Variants in MAP4K3 observed in about 807,000 individuals in gnomAD.
MAP4K3 encodes the protein mitogen-activated protein kinase kinase kinase kinase 3.
Under a neutral mutation model 143.5 loss-of-function variants are expected in MAP4K3, and 94 were observed. The observed-to-expected ratio is 0.65, with a 90% CI of 0.55 to 0.78. The LOEUF is 0.78. Among genes scored for constraint, MAP4K3 ranks in the 30% least tolerant of loss-of-function variants. The pLI is 0.00. For synonymous variants in MAP4K3, 416 were observed against 347.2 expected (o/e 1.20, Z -2.20); for missense variants, 1,077 against 1,068.1 (o/e 1.01, Z -0.12).
chr2:39,414,034 T>A (rs1182696221), intron 1 of MAP4K3, among the ~76,000 whole-genome samples: 1 of 152,228 alleles, frequency 6.6e-6, no homozygotes, highest in Non-Finnish European at 1.5e-5. Context: ...GAATATCTGC[T>A]AGAGAACATG....
intron 3 of MAP4K3, among the ~76,000 whole-genome samples, chr2:39,347,546 A>G (rs1412738628): frequency 1.3e-5 from 2 of 152,162 alleles, no homozygotes. Flanking sequence ...AATAAATGTA[A>G]GTTGTTTTCT....
Position 39,325,588 on chromosome 2 carries a change from A to T in MAP4K3, c.848T>A (p.Ile283Asn). 6.2e-7 allele frequency: 1 copy of T among 1,613,358 alleles called. No homozygotes were observed. Among genetic ancestry groups the T allele is most frequent in the Non-Finnish European group, 8.5e-7 (1 of 1,179,742 alleles). Residue 283 changes from isoleucine to asparagine, a missense_variant, in exon 12 of 34, where the codon ATC becomes AAC. By Grantham distance (149) the Ile-to-Asn change is moderately radical. Coordinates refer to ENST00000263881, the MANE Select transcript of MAP4K3 (RefSeq NM_003618.4). ...ATTATTTACTTTATCCAACAGCTCG[A>T]TTGCCAAAGACCGTGTCAAATGTTG... is the stretch of plus-strand genomic sequence containing the variant. ...VTQHLTRSLA[I>N]ELLDKVNNPD...
At chr2:39,346,241 A>C (rs1213139158) in intron 3 of MAP4K3, among the ~76,000 whole-genome samples, 1 of 152,188 alleles carries the variant, frequency 6.6e-6, no homozygotes, top group East Asian at 1.9e-4. Context: ...AGTTAGCTGA[A>C]AGCTATCGTT....
intron 1 of MAP4K3, among the ~76,000 whole-genome samples, chr2:39,419,364 AAGC>A (rs1479048282): frequency 6.6e-6 from 1 of 152,174 alleles, no homozygotes; most frequent in Non-Finnish European, 1.5e-5. Context: ...AAATCTTATA[AAGC>A]AGTTTATTTA....
rs113478888 is a variant in MAP4K3, at chr2:39,278,176, G to A, written c.1794+231C>T. On this transcript the variant is annotated intron_variant, in intron 24 of 33. Transcript: ENST00000263881. ...GCGTGCCTCTACTCCCAGCTACTTG[G>A]GAGGCTGAGGCATGAGAATTGCTTG... is the stretch of plus-strand genomic sequence containing the variant. 1.3e-3 allele frequency among the ~76,000 whole-genome samples: 198 copies of A among 152,004 alleles called. 4 individuals carry two copies. The highest frequency in any genetic ancestry group is 4.7e-3 in the African/African-American group (193 of 41,470).
At position 39,292,795 on chromosome 2, in the gene MAP4K3, C is replaced by T; in HGVS notation, c.1249G>A (p.Gly417Arg). Residue 417 changes from glycine to arginine, a missense_variant, in exon 18 of 34, where the codon GGA becomes AGA. Physicochemically the swap from Gly to Arg is moderately radical, Grantham distance 125 (BLOSUM62 -2). Coordinates refer to ENST00000263881, the MANE Select transcript of MAP4K3 (RefSeq NM_003618.4). ...GHVAHLEDDE[G>R]DDDESKHSTL... ...TACTGTTTAGATTCATCATCATCTC[C>T]TTCATCATCTTCTAAATGTGCGACG... 8 of 1,613,282 alleles carry T rather than the reference C, an allele frequency of 5.0e-6. 1 individual carries two copies. The highest frequency in any genetic ancestry group is 3.3e-5 in the South Asian group (3 of 91,046).
At chr2:39,337,424 A>C (rs1307785714) in intron 5 of MAP4K3, 102 bp downstream of exon 5, 2 of 768,740 alleles carry the variant, frequency 2.6e-6, no homozygotes, top group Non-Finnish European at 4.3e-6. Context: ...AGAGTTTACC[A>C]AACTAAAATA....
intron 1 of MAP4K3, among the ~76,000 whole-genome samples, chr2:39,407,665 G>C (rs866888679): frequency 6.6e-6 from 1 of 152,084 alleles, no homozygotes; most frequent in African/African-American, 2.4e-5. Flanking sequence ...TCAACCTCCT[G>C]GGCTAAAGTG....
intron 31 of MAP4K3, among the ~76,000 whole-genome samples, chr2:39,256,148 G>A (rs1680334035): frequency 6.6e-6 from 1 of 152,080 alleles, no homozygotes; most frequent in African/African-American, 2.4e-5. Context: ...GCTATTCTTT[G>A]GTGTTACTCA....
rs771399593 is a variant in MAP4K3, at chr2:39,290,366, T to C, written c.1272-32A>G. The C allele has an allele frequency of 4.1e-6, 6 of 1,477,500 alleles. No individual in the cohort carries two copies. In the African/African-American group the frequency reaches 4.2e-5, roughly 10 times the overall value. 91.5% of individuals were successfully genotyped at this position (1,477,500 alleles called of 1,614,324 possible). On this transcript the variant is annotated intron_variant, in intron 18 of 33. Coordinates refer to ENST00000263881, the MANE Select transcript of MAP4K3 (RefSeq NM_003618.4). ...ACAGAAAAGTTTAGAATCAGAACTATTCATTTTACAAATGAATCAATCCTA... is the reference window on the plus strand; with the variant it reads ...ACAGAAAAGTTTAGAATCAGAACTACTCATTTTACAAATGAATCAATCCTA...
intron 31 of MAP4K3, among the ~76,000 whole-genome samples, chr2:39,255,961 C>G (rs1219357681): frequency 1.3e-5 from 2 of 152,146 alleles, no homozygotes; most frequent in African/African-American, 4.8e-5. Context: ...TACCCATGGA[C>G]ATGATGTAGT....
intron 22 of MAP4K3, among the ~76,000 whole-genome samples, chr2:39,281,719 T>C (rs755046890): frequency 3.2e-4 from 49 of 152,058 alleles, no homozygotes; most frequent in Admixed American, 6.5e-4. Context: ...CCCTATTTTA[T>C]GTATTTCTCT....
intron 16 of MAP4K3, 134 bp downstream of exon 16, chr2:39,299,609 A>C: frequency 2.3e-6 from 1 of 438,826 alleles, no homozygotes; most frequent in African/African-American, 2.0e-5. Context: ...AAGCAATGGA[A>C]AAAGGTGAAA....
At chr2:39,291,809 G>A (rs1286160154) in intron 18 of MAP4K3, among the ~76,000 whole-genome samples, 1 of 152,102 alleles carries the variant, frequency 6.6e-6, no homozygotes, top group African/African-American at 2.4e-5. Flanking sequence ...CCAGGAGGTC[G>A]AGGCTGCAGT....
chr2:39,435,797 T>C (rs576960535), intron 1 of MAP4K3, among the ~76,000 whole-genome samples: 7 of 152,348 alleles, frequency 4.6e-5, no homozygotes, highest in Admixed American at 3.3e-4. Flanking sequence ...GTAGGAAAAG[T>C]GATGAGATCC....
chr2:39,258,874 C>G (rs1429184423), intron 29 of MAP4K3, among the ~76,000 whole-genome samples: 4 of 152,136 alleles, frequency 2.6e-5, no homozygotes, highest in Non-Finnish European at 4.4e-5. Flanking sequence ...CTTAAAATAT[C>G]CTATAATGCA....
chr2:39,337,369 T>C (rs888128511), intron 5 of MAP4K3, among the ~76,000 whole-genome samples, 157 bp downstream of exon 5: 1 of 152,186 alleles, frequency 6.6e-6, no homozygotes, highest in Non-Finnish European at 1.5e-5. Context: ...GTAAATATAA[T>C]TTGAGTTCAT....
At chr2:39,293,652 A>C (rs919203852) in intron 16 of MAP4K3, among the ~76,000 whole-genome samples, 1 of 152,184 alleles carries the variant, frequency 6.6e-6, no homozygotes, top group African/African-American at 2.4e-5. Flanking sequence ...TATACCTGAC[A>C]CCTGAAATTA....
chr2:39,333,543 T>G lies in MAP4K3; in HGVS notation c.446A>C (p.His149Pro). 6.2e-7 allele frequency: 1 copy of G among 1,606,872 alleles called. No individual in the cohort carries two copies. The highest frequency in any genetic ancestry group is 8.5e-7 in the Non-Finnish European group (1 of 1,174,062). Residue 149 changes from histidine (H) to proline (P), a missense_variant, in exon 7 of 34, where the codon CAT becomes CCT. By Grantham distance (77) the His-to-Pro change is moderately conservative (BLOSUM62 -2). Coordinates refer to ENST00000263881, the MANE Select transcript of MAP4K3 (RefSeq NM_003618.4). ...GANILLTDNG[H>P]VKLADFGVSA... ...TCCAATTTACTTACCCAATTTCACATGACCATTATCCGTTAATAGAATGTT... is the reference window on the plus strand; with the variant it reads ...TCCAATTTACTTACCCAATTTCACAGGACCATTATCCGTTAATAGAATGTT...
Sources: allele counts gnomAD v4.1 joint callset (sites outside exome capture counted in the v4.1 genomes callset), GRCh38; gene constraint gnomAD v4.1.1; transcripts MANE v1.5; gene names NCBI Gene and HGNC (gene_info 2026-07-23, HGNC 2026-07-21).